ANKRD2: variants seen among roughly 807,000 people sequenced by gnomAD.
ANKRD2 encodes ankyrin repeat domain 2, also known as ankyrin repeat domain-containing protein 2.
ANKRD2 carries 35 observed loss-of-function variants against 37.3 expected under a neutral mutation model. That is an observed-to-expected ratio of 0.94 (90% CI 0.72 to 1.24). The LOEUF (loss-of-function observed/expected upper bound fraction) is 1.24. Among genes scored for constraint, ANKRD2 ranks in the 50% most tolerant of loss-of-function variants. The pLI is 0.00. For missense variants in ANKRD2, 410 were observed against 445.6 expected (o/e 0.92, Z 0.72); for synonymous variants, 159 against 186.5 (o/e 0.85, Z 1.20).
Position 97,582,696 on chromosome 10 carries a change from G to T in ANKRD2, c.846G>T (p.Lys282Asn), listed in dbSNP as rs181081127. Residue 282 changes from lysine to asparagine, a missense_variant, in exon 8 of 9, where the codon AAG becomes AAT. By Grantham distance (94) the Lys-to-Asn change is moderately conservative. Coordinates refer to ENST00000370655, the MANE Select transcript of ANKRD2 (RefSeq NM_001346793.2). ...LLLHGADMMTKNLAGKTPTDL... is the reference protein window; with the variant it reads ...LLLHGADMMTNNLAGKTPTDL... The stretch of plus-strand genomic sequence containing the variant: ...TGCATGGGGCTGACATGATGACCAA[G>T]AACCTGGTAAGCTCATTCCCTCCTT... 14 of 1,614,046 alleles carry T rather than the reference G, an allele frequency of 8.7e-6. No homozygotes were observed. The African/African-American group carries it at 1.6e-4, about 18-fold the overall frequency.
At chr10:97,579,598 T>G (rs775927310) in intron 4 of ANKRD2, among the ~76,000 whole-genome samples, 19 of 151,762 alleles carry the variant, frequency 1.3e-4, no homozygotes, top group Non-Finnish European at 2.4e-4. Flanking sequence ...TTCTTTTTCT[T>G]TTTTTTTGAG....
In ANKRD2 at chr10:97,578,486, C is replaced by G. The variant is rs753385568; in HGVS notation, c.349-12C>G. ...CTGGGACGGCCCGTGACTGCTGCGT[C>G]CACATCTGCAGACTGGCCCTGTGGA... On this transcript the variant is annotated splice_polypyrimidine_tract_variant and intron_variant, in intron 3 of 8. Coordinates refer to ENST00000370655, the MANE Select transcript of ANKRD2 (RefSeq NM_001346793.2). The G allele has an allele frequency of 6.3e-7, 1 of 1,591,230 alleles. No individual in the cohort carries two copies. The highest frequency in any genetic ancestry group is 8.6e-7 in the Non-Finnish European group (1 of 1,168,736).
chr10:97,578,456 GA>G, intron 3 of ANKRD2, 41 bp from the exon 4 acceptor site: 1 of 1,603,846 alleles, frequency 6.2e-7, no homozygotes. Context: ...GGAGGCTTCG[GA>G]TTGCTGGGAC....
At chr10:97,579,024 A>G (rs1482404038) in intron 4 of ANKRD2, among the ~76,000 whole-genome samples, 1 of 152,032 alleles carries the variant, frequency 6.6e-6, no homozygotes, top group Non-Finnish European at 1.5e-5. Context: ...CGGTGATCAA[A>G]TGGAATATTA....
At chr10:97,578,729 G>T in intron 4 of ANKRD2, 124 bp downstream of exon 4, 1 of 736,092 alleles carries the variant, frequency 1.4e-6, no homozygotes. Context: ...TGGATGGGTG[G>T]GTGGCTGGGG....
At chr10:97,580,651 G>A (rs1344070690) in intron 4 of ANKRD2, among the ~76,000 whole-genome samples, 2 of 152,258 alleles carry the variant, frequency 1.3e-5, no homozygotes, top group Admixed American at 6.5e-5. Flanking sequence ...CTGGGGGGCA[G>A]TGAGAAGGTC....
intron 1 of ANKRD2, among the ~76,000 whole-genome samples, chr10:97,577,352 G>C (rs1041799339): frequency 6.6e-6 from 1 of 152,070 alleles, no homozygotes; most frequent in Admixed American, 6.5e-5. Context: ...AGCTGGTCTC[G>C]AACCCCTGGG....
Position 97,583,565 on chromosome 10 carries a change from GC to G in ANKRD2, c.853-6del, listed in dbSNP as rs767862109. ...CTTGCCAACCCCCACGCCCCGTCCC[GC>G]CCCCTCCAGGCAGGAAAGACCCCGA... On this transcript the variant is annotated splice_polypyrimidine_tract_variant and intron_variant, in intron 8 of 8. Coordinates refer to ENST00000370655, the MANE Select transcript of ANKRD2 (RefSeq NM_001346793.2). The G allele has an allele frequency of 1.3e-6, 2 of 1,588,332 alleles. No individual in the cohort carries two copies. The highest frequency in any genetic ancestry group is 2.3e-5 in the East Asian group (1 of 43,506).
chr10:97,577,396 A>T (rs894435886), intron 1 of ANKRD2, among the ~76,000 whole-genome samples: 1 of 152,214 alleles, frequency 6.6e-6, no homozygotes, highest in Non-Finnish European at 1.5e-5. Flanking sequence ...CCTCCCCAGT[A>T]GCTGGGACTA....
At chr10:97,581,107 C>G (rs2040892622) in intron 5 of ANKRD2, among the ~76,000 whole-genome samples, 154 bp downstream of exon 5, 1 of 152,194 alleles carries the variant, frequency 6.6e-6, no homozygotes, top group Non-Finnish European at 1.5e-5. Context: ...GAGTAAGCCC[C>G]TTCTCCTCCC....
In ANKRD2 at chr10:97,582,412, G is replaced by C; in HGVS notation, c.752G>C (p.Arg251Thr). The C allele has an allele frequency of 6.4e-7, 1 of 1,568,410 alleles. No homozygotes were observed. Among genetic ancestry groups the C allele is most frequent in the Non-Finnish European group, 8.6e-7 (1 of 1,156,568 alleles). The change falls in exon 7 of 9, where the codon AGG (arginine) becomes ACG (threonine). Residue 251 changes from arginine (R) to threonine (T), a missense_variant and splice_region_variant. By Grantham distance (71) the Arg-to-Thr change is moderately conservative. Transcript: ENST00000370655. ...SLGLEINARDREGDTALHDAV... is the reference protein window; with the variant it reads ...SLGLEINARDTEGDTALHDAV... ...GGCCTGGAAATCAATGCCAGAGACA[G>C]GGTGAGTGCTAGCCTGTCCGCTGCT...
intron 1 of ANKRD2, among the ~76,000 whole-genome samples, chr10:97,575,645 C>T (rs2040818045): frequency 1.3e-5 from 2 of 152,208 alleles, no homozygotes; most frequent in South Asian, 4.1e-4. Flanking sequence ...TGCAGTAGCT[C>T]ACGCCTGTAA....
chr10:97,583,050 C>G (rs1370293999), intron 8 of ANKRD2, among the ~76,000 whole-genome samples: 1 of 152,194 alleles, frequency 6.6e-6, no homozygotes, highest in African/African-American at 2.4e-5. Context: ...GCTGGCATGA[C>G]AGTTCCTAGC....
intron 5 of ANKRD2, 53 bp from the exon 6 acceptor site, chr10:97,581,263 C>A: frequency 6.4e-7 from 1 of 1,564,974 alleles, no homozygotes; most frequent in South Asian, 1.1e-5. Flanking sequence ...ACATTACCCC[C>A]GAATACTTTC....
At chr10:97,577,185 G>A (rs1287270424) in intron 1 of ANKRD2, among the ~76,000 whole-genome samples, 1 of 151,550 alleles carries the variant, frequency 6.6e-6, no homozygotes, top group Non-Finnish European at 1.5e-5. Flanking sequence ...TAATTTTTTT[G>A]TAAAGATGGG....
At chr10:97,580,572 A>G (rs928409941) in intron 4 of ANKRD2, among the ~76,000 whole-genome samples, 32 of 152,172 alleles carry the variant, frequency 2.1e-4, no homozygotes, top group African/African-American at 7.5e-4. Context: ...AAGCACTCCC[A>G]GGAAGTGAGG....
At position 97,583,781 on chromosome 10, in the gene ANKRD2, T is replaced by G. The variant is rs953171507; in HGVS notation, c.*56T>G. 1 of 1,437,490 alleles carries G rather than the reference T, an allele frequency of 7.0e-7. No homozygotes were observed. The highest frequency in any genetic ancestry group is 1.5e-5 in the African/African-American group (1 of 66,882). The allele number at this position is 1,437,490 out of a possible 1,614,324, so 89.0% of individuals were successfully genotyped here. ...CCCCTCTCTGTGTGCAGCCGGAGGG[T>G]CCTAAGAATGGCTCCCGGAGCTAAC... On this transcript the variant is annotated 3_prime_UTR_variant, in exon 9 of 9. Transcript: ENST00000370655.
At chr10:97,576,297 C>T (rs2040825575) in intron 1 of ANKRD2, among the ~76,000 whole-genome samples, 1 of 152,202 alleles carries the variant, frequency 6.6e-6, no homozygotes, top group Non-Finnish European at 1.5e-5. Context: ...CACAAGCTGC[C>T]TGGTGGGGAC....
chr10:97,582,643 C>A lies in ANKRD2; in HGVS notation c.793C>A (p.Arg265Ser), dbSNP rs149812913. ...TALHDAVRLN[R>S]YKIIKLLLLH... ...CCTGCATGACGCTGTGAGGCTCAACCGCTACAAAATCATCAAACTGCTGCT... is the reference window on the plus strand; with the variant it reads ...CCTGCATGACGCTGTGAGGCTCAACAGCTACAAAATCATCAAACTGCTGCT... The change falls in exon 8 of 9, where the codon CGC becomes AGC. Residue 265 changes from arginine (R) to serine (S), a missense_variant. Transcript: ENST00000370655. 2 of 1,614,134 alleles carry A rather than the reference C, an allele frequency of 1.2e-6. No homozygotes were observed. The highest frequency in any genetic ancestry group is 2.2e-5 in the East Asian group (1 of 44,876).
Sources: gnomAD v4.1 joint callset for allele counts (sites outside exome capture counted in the v4.1 genomes callset) on GRCh38, gnomAD v4.1.1 for gene constraint, MANE v1.5 for transcripts, NCBI Gene and HGNC (gene_info 2026-07-23, HGNC 2026-07-21) for gene names.